Variants in FILIP1 observed in about 807,000 individuals in gnomAD.
FILIP1 encodes filamin A interacting protein 1, also known as filamin-A-interacting protein 1.
FILIP1 carries 61 observed loss-of-function variants against 102.1 expected under a neutral mutation model. The ratio of observed to expected loss-of-function variants is 0.60; its 90% CI spans 0.49 to 0.74. The LOEUF is 0.74. Ranked by LOEUF, FILIP1 falls within the 30% of genes least tolerant of loss-of-function variation. FILIP1 has a pLI of 0.00. For synonymous variants in FILIP1, 491 were observed against 526.9 expected (o/e 0.93, Z 0.93); for missense variants, 1,314 against 1,441.2 (o/e 0.91, Z 1.43).
chr6:75,394,816 G>A (rs1203900812), intron 2 of FILIP1, among the ~76,000 whole-genome samples: 6 of 152,202 alleles, frequency 3.9e-5, no homozygotes, highest in Admixed American at 2.6e-4. Context: ...GCAGGAATGT[G>A]AGAAACCAGG....
chr6:75,442,014 G>A (rs1440276147), intron 1 of FILIP1, among the ~76,000 whole-genome samples: 1 of 150,310 alleles, frequency 6.7e-6, no homozygotes, highest in Non-Finnish European at 1.5e-5. Context: ...GCTGCTGGGC[G>A]GAGGGGCTCC....
At chr6:75,450,277 C>T (rs922667963) in intron 1 of FILIP1, among the ~76,000 whole-genome samples, 4 of 152,064 alleles carry the variant, frequency 2.6e-5, no homozygotes, top group Admixed American at 6.5e-5. Context: ...CATGCCCAGG[C>T]TAAACTAATT....
chr6:75,350,171 G>A (rs73751824), intron 4 of FILIP1, among the ~76,000 whole-genome samples: 4,055 of 152,170 alleles, frequency 0.027, 195 homozygotes, highest in African/African-American at 0.092. Flanking sequence ...CTGGTGGTCA[G>A]TCACAGTGTT....
chr6:75,353,757 G>A (rs993807363), intron 3 of FILIP1, 40 bp from the exon 4 acceptor site: 1 of 1,594,598 alleles, frequency 6.3e-7, no homozygotes. Context: ...ATATTTTATT[G>A]CATTTGCATA....
intron 1 of FILIP1, among the ~76,000 whole-genome samples, chr6:75,462,802 C>G (rs150144698): frequency 6.6e-6 from 1 of 152,102 alleles, no homozygotes; most frequent in Non-Finnish European, 1.5e-5. Flanking sequence ...TCTATACAAG[C>G]TGCCCCCATC....
intron 2 of FILIP1, among the ~76,000 whole-genome samples, chr6:75,401,823 C>T (rs1776669505): frequency 6.6e-6 from 1 of 152,176 alleles, no homozygotes; most frequent in African/African-American, 2.4e-5. Flanking sequence ...ATACATTTCT[C>T]ATACCAGTTA....
In FILIP1 at chr6:75,414,985, C is replaced by T. The variant is rs1274497138; in HGVS notation, c.-6-7G>A. 2 of 1,599,644 alleles carry T rather than the reference C, an allele frequency of 1.3e-6. No individual in the cohort carries two copies. Among genetic ancestry groups the T allele is most frequent in the Non-Finnish European group, 1.7e-6 (2 of 1,173,970 alleles). ...TTCGAGATCTCATTCCCACCTACAACACATACATAAAAAAAGATAAGATGT... is the reference window on the plus strand; with the variant it reads ...TTCGAGATCTCATTCCCACCTACAATACATACATAAAAAAAGATAAGATGT... On this transcript the variant is annotated splice_polypyrimidine_tract_variant and splice_region_variant and intron_variant, in intron 1 of 5. Coordinates refer to ENST00000237172, the MANE Select transcript of FILIP1 (RefSeq NM_015687.5).
chr6:75,298,698 C>T (rs1016958141), intron 6 of FILIP1, among the ~76,000 whole-genome samples: 2 of 152,132 alleles, frequency 1.3e-5, no homozygotes, highest in African/African-American at 4.8e-5. Context: ...GGGTGGATCA[C>T]TTGAGGTCAG....
At chr6:75,331,325 C>T (rs2149578116) in intron 4 of FILIP1, among the ~76,000 whole-genome samples, 1 of 152,154 alleles carries the variant, frequency 6.6e-6, no homozygotes, top group South Asian at 2.1e-4. Flanking sequence ...CCAGGAGGCC[C>T]ATATTTGAGA....
intron 4 of FILIP1, among the ~76,000 whole-genome samples, chr6:75,347,519 T>G (rs542477976): frequency 3.9e-5 from 6 of 152,350 alleles, no homozygotes; most frequent in South Asian, 4.1e-4. Flanking sequence ...GTGCTTTATT[T>G]AGATTCTCTG....
chr6:75,426,240 A>C (rs1310374659), intron 1 of FILIP1, among the ~76,000 whole-genome samples: 1 of 152,134 alleles, frequency 6.6e-6, no homozygotes, highest in African/African-American at 2.4e-5. Flanking sequence ...AAAATGACTG[A>C]AAATAAGAGA....
intron 2 of FILIP1, among the ~76,000 whole-genome samples, chr6:75,394,354 G>T (rs1776385863): frequency 6.6e-6 from 1 of 152,030 alleles, no homozygotes; most frequent in Non-Finnish European, 1.5e-5. Flanking sequence ...AAATTTGAAA[G>T]AAATTTTGTA....
intron 1 of FILIP1, among the ~76,000 whole-genome samples, chr6:75,449,762 C>T (rs1356501593): frequency 6.6e-6 from 1 of 152,100 alleles, no homozygotes; most frequent in African/African-American, 2.4e-5. Context: ...CCCAGCTTAA[C>T]TATCTTAAAG....
chr6:75,438,413 T>C (rs1183670316), intron 1 of FILIP1, among the ~76,000 whole-genome samples: 2 of 152,210 alleles, frequency 1.3e-5, no homozygotes, highest in Admixed American at 1.3e-4. Context: ...AAGCCTAAGA[T>C]AAATTTAACC....
chr6:75,435,419 T>A (rs1162322717), intron 1 of FILIP1, among the ~76,000 whole-genome samples: 2 of 152,256 alleles, frequency 1.3e-5, no homozygotes, highest in African/African-American at 4.8e-5. Context: ...ATGGGTAAAT[T>A]ATTGTTAGGG....
At chr6:75,392,499 T>C (rs1056127317) in intron 2 of FILIP1, among the ~76,000 whole-genome samples, 11 of 152,202 alleles carry the variant, frequency 7.2e-5, no homozygotes, top group African/African-American at 2.7e-4. Context: ...TCTCAGTAAA[T>C]GACAACCCAT....
intron 1 of FILIP1, among the ~76,000 whole-genome samples, chr6:75,448,743 G>A (rs892762222): frequency 6.6e-6 from 1 of 152,236 alleles, no homozygotes; most frequent in African/African-American, 2.4e-5. Context: ...ATGAAAAAAT[G>A]CTCAACATCA....
chr6:75,463,603 G>C (rs1315445888), intron 1 of FILIP1, among the ~76,000 whole-genome samples: 1 of 151,910 alleles, frequency 6.6e-6, no homozygotes, highest in Non-Finnish European at 1.5e-5. Flanking sequence ...ATAAAATAAG[G>C]GTTCTTTGCA....
chr6:75,447,888 GC>G (rs1778491346), intron 1 of FILIP1, among the ~76,000 whole-genome samples: 1 of 151,928 alleles, frequency 6.6e-6, no homozygotes, highest in African/African-American at 2.4e-5. Flanking sequence ...TGAAGATTGA[GC>G]CCTTGAAGAA....
Sources: allele counts gnomAD v4.1 joint callset (sites outside exome capture counted in the v4.1 genomes callset), GRCh38; gene constraint gnomAD v4.1.1; transcripts MANE v1.5; gene names NCBI Gene and HGNC (gene_info 2026-07-23, HGNC 2026-07-21).